Variants in ZNF20 observed in about 807,000 individuals in gnomAD.
ZNF20 encodes zinc finger protein KOX13.
Under a neutral mutation model 11.0 loss-of-function variants are expected in ZNF20, and 9 were observed. The ratio of observed to expected loss-of-function variants is 0.82; its 90% confidence interval spans 0.49 to 1.43. The LOEUF (loss-of-function observed/expected upper bound fraction) is 1.43, where lower values mean the gene tolerates loss of function less well. Among genes scored for constraint, ZNF20 ranks in the 40% most tolerant of loss-of-function variants. The probability of loss-of-function intolerance (pLI) is 0.00; values close to 1 mark genes in which losing one functional copy is unlikely to be tolerated. For missense variants in ZNF20, 528 were observed against 640.8 expected (o/e 0.82, Z 1.90); for synonymous variants, 182 against 213.0 (o/e 0.85, Z 1.27).
Position 12,140,207 on chromosome 19 carries a change from G to A in ZNF20, c.-25C>T, listed in dbSNP as rs775739616. Reference sequence around the variant, plus strand: ...TTTCCCGGCTTCTGGGTGTCCCGGTGTCCTCTCTAGGGCTCCCGTGAATAG... The same window carrying A: ...TTTCCCGGCTTCTGGGTGTCCCGGTATCCTCTCTAGGGCTCCCGTGAATAG... On this transcript the variant is annotated 5_prime_UTR_variant, in exon 1 of 4. Coordinates refer to ENST00000334213, the MANE Select transcript of ZNF20 (RefSeq NM_021143.4). The A allele has an allele frequency of 7.5e-6, 12 of 1,600,914 alleles. No individual in the cohort carries two copies. In the South Asian group the frequency reaches 1.1e-4, roughly 15 times the overall value.
Position 12,137,316 on chromosome 19 carries a change from AAG to A in ZNF20, c.4-1414_4-1413del, listed in dbSNP as rs1313892153. On this transcript the variant is annotated intron_variant, in intron 1 of 3. Transcript: ENST00000334213. ...GACTGTCTCAGAAAAAAAAAAAAAAAAGAAGAAGAAGAAAGCTGCACTTGACC... is the reference window on the plus strand; with the variant it reads ...GACTGTCTCAGAAAAAAAAAAAAAAAAAGAAGAAGAAAGCTGCACTTGACC... 1.5e-3 allele frequency: 211 copies of A among 144,526 alleles called. 2 individuals carry two copies. Among genetic ancestry groups the A allele is most frequent in the African/African-American group, 5.4e-3 (192 of 35,668 alleles). 9.0% of individuals were successfully genotyped at this position (144,526 alleles called of 1,614,324 possible).
chr19:12,135,755 A>G lies in ZNF20; in HGVS notation c.139+14T>C. 6.2e-7 allele frequency: 1 copy of G among 1,612,904 alleles called. No individual in the cohort carries two copies. The highest frequency in any genetic ancestry group is 8.5e-7 in the Non-Finnish European group (1 of 1,179,668). On this transcript the variant is annotated intron_variant, in intron 2 of 3. Transcript: ENST00000334213. Reference sequence around the variant, plus strand: ...GTTCTCTAATTCACTGGGAAGTAATATTGTCATTCTTACCTACAGAGGTCA... The same window carrying G: ...GTTCTCTAATTCACTGGGAAGTAATGTTGTCATTCTTACCTACAGAGGTCA...
Position 12,132,358 on chromosome 19 carries a change from C to T in ZNF20, c.*229G>A, listed in dbSNP as rs1449615456. On this transcript the variant is annotated 3_prime_UTR_variant, in exon 4 of 4. Transcript: ENST00000334213. ...CCTGTGTGGGGCCTCTAATATGTGACTGATGCCTTCCTTTTCTGTGCCTTT... is the reference window on the plus strand; with the variant it reads ...CCTGTGTGGGGCCTCTAATATGTGATTGATGCCTTCCTTTTCTGTGCCTTT... 2.2e-5 allele frequency: 11 copies of T among 500,658 alleles called. No individual in the cohort carries two copies. Among genetic ancestry groups the T allele is most frequent in the Non-Finnish European group, 3.1e-5 (9 of 289,422 alleles). The allele number at this position is 500,658 out of a possible 1,614,324, so 31.0% of individuals were successfully genotyped here.
In ZNF20 at chr19:12,132,574, C is replaced by T; in HGVS notation, c.*13G>A. The T allele has an allele frequency of 6.4e-7, 1 of 1,552,144 alleles. No homozygotes were observed. The highest frequency in any genetic ancestry group is 8.7e-7 in the Non-Finnish European group (1 of 1,153,720). ...CAGAAAGCTTCTCCCGTTGCTTCCACTAAAAGGATTTCTCATCTATTAATG... is the reference window on the plus strand; with the variant it reads ...CAGAAAGCTTCTCCCGTTGCTTCCATTAAAAGGATTTCTCATCTATTAATG... On this transcript the variant is annotated 3_prime_UTR_variant, in exon 4 of 4. Coordinates refer to ENST00000334213, the MANE Select transcript of ZNF20 (RefSeq NM_021143.4).
At chr19:12,138,480 C>T (rs900812257) in intron 1 of ZNF20, among the ~76,000 whole-genome samples, 2 of 147,220 alleles carry the variant, frequency 1.4e-5, no homozygotes, top group Non-Finnish European at 3.0e-5. Context: ...AACCCAAAGA[C>T]ATTCTGAGAT....
chr19:12,135,493 A>T lies in ZNF20; in HGVS notation c.200+7T>A. ...AGGCATTGCCTTGTCTTGCGAGAGA[A>T]AATTACCTTAGATTTCTCCTGGGAT... On this transcript the variant is annotated splice_region_variant and intron_variant, in intron 3 of 3. Coordinates refer to ENST00000334213, the MANE Select transcript of ZNF20 (RefSeq NM_021143.4). 4 of 1,613,550 alleles carry T rather than the reference A, an allele frequency of 2.5e-6. No homozygotes were observed. Among genetic ancestry groups the T allele is most frequent in the Non-Finnish European group, 2.5e-6 (3 of 1,179,754 alleles).
rs1976659545 is a variant in ZNF20, at chr19:12,133,492, A to G, written c.694T>C (p.Cys232Arg). ...TGVKPYKCKQ[C>R]GKAFTRSTTL... ...GTGGAACGAGTAAAGGCCTTACCAC[A>G]TTGTTTACACTTATATGGTTTCACA... The change falls in exon 4 of 4, where the codon TGT becomes CGT. Residue 232 changes from cysteine (C) to arginine (R), a missense_variant. Coordinates refer to ENST00000334213, the MANE Select transcript of ZNF20 (RefSeq NM_021143.4). 2 of 1,614,214 alleles carry G rather than the reference A, an allele frequency of 1.2e-6. No homozygotes were observed. The highest frequency in any genetic ancestry group is 2.2e-5 in the East Asian group (1 of 44,880).
chr19:12,137,000 A>G (rs1976722666), intron 1 of ZNF20: 2 of 323,064 alleles, frequency 6.2e-6, no homozygotes, highest in South Asian at 2.4e-5. Flanking sequence ...TCACTTTCTT[A>G]TAACAGAAGA....
In ZNF20 at chr19:12,140,232, G is replaced by C. The variant is rs1294072467; in HGVS notation, c.-50C>G. ...GTCCTCTCTAGGGCTCCCGTGAATA[G>C]TGCGGGTCACGGTGCAGGCGGCAGA... On this transcript the variant is annotated 5_prime_UTR_variant, in exon 1 of 4. Transcript: ENST00000334213. The C allele has an allele frequency of 1.9e-6, 3 of 1,591,240 alleles. No individual in the cohort carries two copies. Among genetic ancestry groups the C allele is most frequent in the Non-Finnish European group, 2.6e-6 (3 of 1,168,554 alleles).
Position 12,132,449 on chromosome 19 carries a change from T to G in ZNF20, c.*138A>C, listed in dbSNP as rs1976637322. The G allele has an allele frequency of 7.1e-6, 6 of 850,936 alleles. No homozygotes were observed. The highest frequency in any genetic ancestry group is 1.7e-5 in the African/African-American group (1 of 59,084). 52.7% of individuals were successfully genotyped at this position (850,936 alleles called of 1,614,324 possible). On this transcript the variant is annotated 3_prime_UTR_variant, in exon 4 of 4. Coordinates refer to ENST00000334213, the MANE Select transcript of ZNF20 (RefSeq NM_021143.4). ...GAAACCATCCAAGTTCTTCTAGATT[T>G]TATTGTCCTATCGCAAGTCTCTCTT...
Position 12,140,205 on chromosome 19 carries a change from G to T in ZNF20, c.-23C>A, listed in dbSNP as rs1394107230. ...CATTTCCCGGCTTCTGGGTGTCCCG[G>T]TGTCCTCTCTAGGGCTCCCGTGAAT... On this transcript the variant is annotated 5_prime_UTR_variant, in exon 1 of 4. Coordinates refer to ENST00000334213, the MANE Select transcript of ZNF20 (RefSeq NM_021143.4). 6.2e-7 allele frequency: 1 copy of T among 1,601,644 alleles called. No individual in the cohort carries two copies. Among genetic ancestry groups the T allele is most frequent in the Admixed American group, 1.7e-5 (1 of 57,874 alleles).
At chr19:12,136,075 T>C (rs910030285) in intron 1 of ZNF20, 171 bp from the exon 2 acceptor site, 12 of 899,698 alleles carry the variant, frequency 1.3e-5, no homozygotes, top group African/African-American at 5.1e-5. Flanking sequence ...ACCCTTTTTT[T>C]GTTAAGAGAG....
chr19:12,135,726 A>C, intron 2 of ZNF20, 43 bp downstream of exon 2: 1 of 1,608,678 alleles, frequency 6.2e-7, no homozygotes, highest in Non-Finnish European at 8.5e-7. Context: ...AGCTAGAAGC[A>C]TTTGTTCTCT....
rs1043562755 is a variant in ZNF20 at position 12,139,379 on chromosome 19, C to T, written c.3+801G>A. The stretch of plus-strand genomic sequence containing the variant: ...CCCTTCATTCCTTCCTTGCTTTGTG[C>T]GTTTTGTCCAATTCTTTGTTCAAGA... On this transcript the variant is annotated intron_variant, in intron 1 of 3. Coordinates refer to ENST00000334213, the MANE Select transcript of ZNF20 (RefSeq NM_021143.4). This position sits in a 1 kb window ranked among gnomAD's most constrained non-coding sequence, Gnocchi z 4.0. 1.3e-5 allele frequency among the ~76,000 whole-genome samples: 2 copies of T among 152,162 alleles called. No individual in the cohort carries two copies. Among genetic ancestry groups the T allele is most frequent in the Non-Finnish European group, 2.9e-5 (2 of 68,032 alleles).
In ZNF20 at chr19:12,140,136, CCCAGCCCCTCCCCCGTCTGGGGACT is replaced by C; in HGVS notation, c.3+19_3+43del. On this transcript the variant is annotated intron_variant, in intron 1 of 3. Coordinates refer to ENST00000334213, the MANE Select transcript of ZNF20 (RefSeq NM_021143.4). ...CCACAGCCGCTTCCGGCCGGTTCCA[CCCAGCCCCTCCCCCGTCTGGGGACT>C]CCGGCCCCATACACTCACCATTTCC... 1.3e-6 allele frequency: 2 copies of C among 1,585,390 alleles called. No individual in the cohort carries two copies. Among genetic ancestry groups the C allele is most frequent in the Non-Finnish European group, 1.7e-6 (2 of 1,165,540 alleles).
At chr19:12,138,983 G>T (rs1393908758) in intron 1 of ZNF20, among the ~76,000 whole-genome samples, 1 of 152,204 alleles carries the variant, frequency 6.6e-6, no homozygotes, top group African/African-American at 2.4e-5. Flanking sequence ...GGAAAATGCA[G>T]GAGGAAGCCA....
intron 2 of ZNF20, 50 bp downstream of exon 2, chr19:12,135,719 T>G: frequency 6.2e-7 from 1 of 1,608,204 alleles, no homozygotes; most frequent in Non-Finnish European, 8.5e-7. Context: ...ATTGATGAGC[T>G]AGAAGCATTT....
rs199866015 is a variant in ZNF20, at chr19:12,135,821, C to T, written c.87G>A (p.Lys29=). 2.3e-3 allele frequency: 3,742 copies of T among 1,614,124 alleles called. 9 individuals are homozygous for T. Among genetic ancestry groups the T allele is most frequent in the Non-Finnish European group, 2.9e-3 (3,381 of 1,180,022 alleles). Residue 29 remains lysine, a synonymous_variant, in exon 2 of 4, where the codon AAG becomes AAA. Transcript: ENST00000334213. ...EEWALLDPSQ[K]NLYRDVMQET... ...CCTGCATCACATCCCTGTAGAGATT[C>T]TTCTGGGAAGGATCCAGCAAAGCCC...
chr19:12,137,761 T>C (rs1018381159), intron 1 of ZNF20: 2 of 152,450 alleles, frequency 1.3e-5, no homozygotes, highest in Non-Finnish European at 2.9e-5. Context: ...TGTTATGTCA[T>C]GGCTTTATGG....
Sources: allele counts gnomAD v4.1 joint callset (sites outside exome capture counted in the v4.1 genomes callset), GRCh38; gene constraint gnomAD v4.1.1; non-coding constraint Gnocchi (gnomAD v3.1); transcripts MANE v1.5; gene names NCBI Gene and HGNC (gene_info 2026-07-23, HGNC 2026-07-21).